Variants in EIF3D observed in about 807,000 individuals in gnomAD.
EIF3D encodes the protein eIF3 p66.
A neutral mutation model predicts 75.4 loss-of-function variants in EIF3D; 10 were observed. The observed-to-expected ratio is 0.13, with a 90% CI of 0.08 to 0.22. The LOEUF is 0.22. EIF3D is among the 10% of genes least tolerant of loss of function. The pLI, the probability that EIF3D is intolerant of heterozygous loss-of-function variation, is 1.00. For synonymous variants in EIF3D, 246 were observed against 248.3 expected, an observed-to-expected ratio of 0.99 and a Z score of 0.09; for missense variants, 394 against 708.0, an observed-to-expected ratio of 0.56 and a Z score of 5.03.
At chr22:36,516,267 CTT>C in intron 12 of EIF3D, 1 of 541,094 alleles carries the variant, frequency 1.8e-6, no homozygotes, top group East Asian at 3.0e-5. Context: ...GTTCTTAACA[CTT>C]AACATAGTTC....
chr22:36,515,993 G>C (rs1475479727), intron 12 of EIF3D: 1 of 153,506 alleles, frequency 6.5e-6, no homozygotes, highest in Non-Finnish European at 1.4e-5. Context: ...TTCTGAGCCA[G>C]ATCTTAGAAT....
chr22:36,511,177 G>T, intron 14 of EIF3D, 177 bp from the exon 15 acceptor site: 1 of 871,992 alleles, frequency 1.1e-6, no homozygotes, highest in Non-Finnish European at 1.7e-6. Context: ...AGCTGGTGGA[G>T]CAGGAGAGAC....
intron 12 of EIF3D, among the ~76,000 whole-genome samples, chr22:36,515,334 G>A (rs1217769836): frequency 6.6e-6 from 1 of 152,196 alleles, no homozygotes; most frequent in Non-Finnish European, 1.5e-5. Context: ...TTCAAGACCA[G>A]TCTGACCAAC....
At position 36,525,239 on chromosome 22, in the gene EIF3D, C is replaced by CTTTT. The variant is rs10709824; in HGVS notation, c.169+421_169+424dup. Among the ~76,000 whole-genome samples the CTTTT allele has an allele frequency of 5.8e-3, 545 of 93,898 alleles. 10 individuals carry two copies. The highest frequency in any genetic ancestry group is 0.019 in the African/African-American group (524 of 28,158). The allele number at this position is 93,898 out of a possible 152,430, so 61.6% of individuals were successfully genotyped here. A position where few individuals can be genotyped will look rare whatever the true frequency, so the allele number is the denominator to read the frequency against. The stretch of plus-strand genomic sequence containing the variant: ...CAGGATCTTAAAACCAGGGGTTTTA[C>CTTTT]TTTTTTTTTTTTTTTTTTTTTTGGA... On this transcript the variant is annotated intron_variant, in intron 3 of 14. Transcript: ENST00000216190.
intron 6 of EIF3D, among the ~76,000 whole-genome samples, chr22:36,522,816 T>C (rs11913484): frequency 0.034 from 5,125 of 152,252 alleles, 311 homozygotes; most frequent in African/African-American, 0.12. Context: ...ACCCAAAGTT[T>C]AGCCCTTTTC....
At chr22:36,515,007 C>A (rs1934401048) in intron 12 of EIF3D, among the ~76,000 whole-genome samples, 1 of 152,172 alleles carries the variant, frequency 6.6e-6, no homozygotes, top group Non-Finnish European at 1.5e-5. Context: ...CCTGCTCTGG[C>A]CATGATGTGC....
chr22:36,517,159 G>T, intron 10 of EIF3D, 142 bp downstream of exon 10: 1 of 1,090,896 alleles, frequency 9.2e-7, no homozygotes, highest in Non-Finnish European at 1.3e-6. Context: ...CCAAGCCCAG[G>T]CATGTAACTC....
In EIF3D at chr22:36,511,721, T is replaced by C; in HGVS notation, c.1415A>G (p.Lys472Arg). 2 of 1,614,110 alleles carry C rather than the reference T, an allele frequency of 1.2e-6. No homozygotes were observed. Among genetic ancestry groups the C allele is most frequent in the Non-Finnish European group, 1.7e-6 (2 of 1,180,024 alleles). ...GATCTGGCTGGCAAACTCATTAGGC[T>C]TGAACTGCTGGGTGCCTAGGATGAC... Reference protein sequence around the residue: ...RHVILGTQQFKPNEFASQINL... With the variant: ...RHVILGTQQFRPNEFASQINL... The change falls in exon 14 of 15, where the codon AAG (lysine) becomes AGG (arginine). Residue 472 changes from lysine (K) to arginine (R), a missense_variant. Physicochemically the swap from Lys to Arg is conservative, Grantham distance 26. Transcript: ENST00000216190.
chr22:36,517,259 T>G, intron 10 of EIF3D, 42 bp downstream of exon 10: 1 of 1,612,536 alleles, frequency 6.2e-7, no homozygotes, highest in Non-Finnish European at 8.5e-7. Flanking sequence ...CAGCAGCTGA[T>G]TAAATAAGAA....
chr22:36,520,664 C>G lies in EIF3D; in HGVS notation c.490G>C (p.Val164Leu). 6.2e-7 allele frequency: 1 copy of G among 1,613,206 alleles called. No individual in the cohort carries two copies. The highest frequency in any genetic ancestry group is 1.1e-5 in the South Asian group (1 of 91,076). The change falls in exon 7 of 15, where the codon GTT becomes CTT. Residue 164 changes from valine to leucine, a missense_variant. Coordinates refer to ENST00000216190, the MANE Select transcript of EIF3D (RefSeq NM_003753.4). ...TCTTTCACTTCCCAATCACTACGAA[C>G]TTCAACTGAAGAGTCTCGGGGTTTC... ...SQKPRDSSVE[V>L]RSDWEVKEEM... is the part of the protein sequence containing the mutation.
intron 9 of EIF3D, among the ~76,000 whole-genome samples, chr22:36,518,097 T>C (rs1402375997): frequency 6.6e-6 from 1 of 152,114 alleles, no homozygotes. Flanking sequence ...GGTGTATAAA[T>C]ACATATATGT....
intron 13 of EIF3D, among the ~76,000 whole-genome samples, chr22:36,512,108 T>G (rs1422403108): frequency 6.6e-6 from 1 of 152,152 alleles, no homozygotes; most frequent in East Asian, 1.9e-4. Context: ...GCCAGGATGG[T>G]CTTGATCTCC....
chr22:36,521,425 A>C (rs915130597), intron 6 of EIF3D, among the ~76,000 whole-genome samples: 2 of 152,186 alleles, frequency 1.3e-5, no homozygotes, highest in Non-Finnish European at 2.9e-5. Context: ...TTGATACAGC[A>C]TCATATCCAA....
chr22:36,518,729 T>C, intron 9 of EIF3D, 34 bp downstream of exon 9: 4 of 1,611,564 alleles, frequency 2.5e-6, no homozygotes, highest in Non-Finnish European at 3.4e-6. Flanking sequence ...AAATACTCAA[T>C]GCCTTTGAGT....
intron 7 of EIF3D, 111 bp downstream of exon 7, chr22:36,520,465 G>A: frequency 1.4e-6 from 1 of 706,178 alleles, no homozygotes; most frequent in South Asian, 1.9e-5. Context: ...TGTGTTTTGA[G>A]TAAGTGGCTT....
rs150022120 is a variant in EIF3D, at chr22:36,519,456, G to C, written c.660C>G (p.Ile220Met). The change falls in exon 8 of 15, where the codon ATC becomes ATG. Residue 220 changes from isoleucine (I) to methionine (M), a missense_variant. By Grantham distance (10) the Ile-to-Met change is conservative. Coordinates refer to ENST00000216190, the MANE Select transcript of EIF3D (RefSeq NM_003753.4). The part of the protein sequence containing the change: ...TTRSEKPLRS[I>M]KRIFHTVTTT... ...TGGTGACAGTGTGGAAGATGCGCTT[G>C]ATGCTCCGCAGTGGCTTCTCACTCC... 1.9e-6 allele frequency: 3 copies of C among 1,614,198 alleles called. No homozygotes were observed. In the East Asian group the frequency reaches 6.7e-5, roughly 36 times the overall value.
intron 6 of EIF3D, among the ~76,000 whole-genome samples, chr22:36,521,179 G>A (rs1022537121): frequency 2.0e-5 from 3 of 152,168 alleles, no homozygotes; most frequent in Non-Finnish European, 4.4e-5. Flanking sequence ...CAGCCTGGGT[G>A]ACAGAGCAAG....
chr22:36,519,226 G>A (rs1424940989), intron 8 of EIF3D, among the ~76,000 whole-genome samples, 179 bp downstream of exon 8: 4 of 152,184 alleles, frequency 2.6e-5, no homozygotes, highest in Admixed American at 1.3e-4. Flanking sequence ...CAGGAAGCGC[G>A]GCAGAACTGG....
At chr22:36,528,236 C>A (rs1293359332) in intron 1 of EIF3D, among the ~76,000 whole-genome samples, 1 of 152,064 alleles carries the variant, frequency 6.6e-6, no homozygotes, top group Non-Finnish European at 1.5e-5. Context: ...TATATTACAG[C>A]TGGGCAGCAG....
Sources: gnomAD v4.1 joint callset for allele counts (sites outside exome capture counted in the v4.1 genomes callset) on GRCh38, gnomAD v4.1.1 for gene constraint, MANE v1.5 for transcripts, NCBI Gene and HGNC (gene_info 2026-07-23, HGNC 2026-07-21) for gene names.